ZBBX: variants seen among roughly 807,000 people sequenced by gnomAD.
ZBBX encodes zinc finger B-box domain containing.
A neutral mutation model predicts 108.5 loss-of-function variants in ZBBX; 101 were observed. That is an observed-to-expected ratio of 0.93 (90% CI 0.79 to 1.10). The LOEUF (loss-of-function observed/expected upper bound fraction) is 1.10, where lower values mean the gene tolerates loss of function less well. ZBBX is among the 50% of genes least tolerant of loss of function. ZBBX has a pLI of 0.00. For synonymous variants in ZBBX, 356 were observed against 323.4 expected, an observed-to-expected ratio of 1.10 and a Z score of -1.08; for missense variants, 1,009 against 941.4, an observed-to-expected ratio of 1.07 and a Z score of -0.94.
intron 9 of ZBBX, among the ~76,000 whole-genome samples, chr3:167,339,538 T>C (rs558481226): frequency 2.0e-5 from 3 of 152,090 alleles, no homozygotes; most frequent in Non-Finnish European, 2.9e-5. Context: ...TTGTTAACTG[T>C]TTTTGTTTGG....
At chr3:167,354,598 C>T (rs373239924) in intron 8 of ZBBX, among the ~76,000 whole-genome samples, 4 of 151,558 alleles carry the variant, frequency 2.6e-5, no homozygotes, top group Admixed American at 6.6e-5. Context: ...ATCCTAAATC[C>T]GTAATTTTAA....
chr3:167,256,464 T>C (rs1723532436), intron 20 of ZBBX, among the ~76,000 whole-genome samples: 1 of 148,840 alleles, frequency 6.7e-6, no homozygotes, highest in Non-Finnish European at 1.5e-5. Context: ...AATAATCCAA[T>C]AACATTCTTT....
intron 1 of ZBBX, among the ~76,000 whole-genome samples, chr3:167,390,653 T>C (rs539284120): frequency 6.6e-6 from 1 of 152,264 alleles, no homozygotes; most frequent in South Asian, 2.1e-4. Flanking sequence ...TGTTGTGTCC[T>C]CTCTTATTTC....
chr3:167,274,339 C>A (rs1727089789), intron 20 of ZBBX, among the ~76,000 whole-genome samples: 1 of 152,170 alleles, frequency 6.6e-6, no homozygotes, highest in South Asian at 2.1e-4. Context: ...TCATACCATG[C>A]ATCCGTGGGC....
intron 2 of ZBBX, among the ~76,000 whole-genome samples, chr3:167,375,265 T>C (rs1038160088): frequency 2.1e-4 from 32 of 152,128 alleles, no homozygotes; most frequent in Admixed American, 5.2e-4. Context: ...ATTGAAAACA[T>C]TTTTGGGACG....
intron 4 of ZBBX, chr3:167,368,803 T>A: frequency 9.7e-7 from 1 of 1,028,388 alleles, no homozygotes; most frequent in Non-Finnish European, 1.2e-6. Flanking sequence ...ATTATTACAT[T>A]GCTAGGGGTT....
intron 1 of ZBBX, among the ~76,000 whole-genome samples, chr3:167,389,084 G>GCC (rs1229951729): frequency 2.0e-5 from 3 of 151,684 alleles, no homozygotes; most frequent in African/African-American, 4.8e-5. Context: ...TAGGTTTTAA[G>GCC]CCCCACATGC....
At chr3:167,355,500 T>C (rs1055672238) in intron 8 of ZBBX, among the ~76,000 whole-genome samples, 7 of 151,848 alleles carry the variant, frequency 4.6e-5, no homozygotes, top group East Asian at 3.9e-4. Context: ...CTATCTCCCA[T>C]ACACAATTTT....
chr3:167,353,616 T>A lies in ZBBX; in HGVS notation c.433-3101A>T, dbSNP rs536410434. The stretch of plus-strand genomic sequence containing the variant: ...TTCATCACTACACAATATATCCAGA[T>A]AACACAACTTCACTTGTACCAACTA... On this transcript the variant is annotated intron_variant, in intron 8 of 21. Transcript: ENST00000675490. Among the ~76,000 whole-genome samples, 66 of 152,014 alleles carry A rather than the reference T, an allele frequency of 4.3e-4. No homozygotes were observed. The East Asian group carries it at 0.012, about 28-fold the overall frequency.
intron 20 of ZBBX, among the ~76,000 whole-genome samples, chr3:167,255,184 A>C (rs1723287648): frequency 6.6e-6 from 1 of 152,074 alleles, no homozygotes; most frequent in African/African-American, 2.4e-5. Context: ...TTAATGAAAA[A>C]AGCTGTGATA....
At chr3:167,273,648 G>A (rs915960319) in intron 20 of ZBBX, among the ~76,000 whole-genome samples, 2 of 152,070 alleles carry the variant, frequency 1.3e-5, no homozygotes, top group Non-Finnish European at 2.9e-5. Flanking sequence ...GTATGGTGGT[G>A]TTATGGTGGA....
At chr3:167,322,641 A>G (rs1041342569) in intron 11 of ZBBX, among the ~76,000 whole-genome samples, 5 of 152,122 alleles carry the variant, frequency 3.3e-5, no homozygotes, top group African/African-American at 9.7e-5. Context: ...TAAATAATTC[A>G]TAATGACATC....
intron 6 of ZBBX, among the ~76,000 whole-genome samples, chr3:167,363,035 C>T (rs1213354179): frequency 6.6e-6 from 1 of 151,940 alleles, no homozygotes; most frequent in Non-Finnish European, 1.5e-5. Flanking sequence ...CTTCAGCCAC[C>T]TCACCATTAT....
chr3:167,320,531 G>A (rs1244161325), intron 12 of ZBBX, among the ~76,000 whole-genome samples: 3 of 151,930 alleles, frequency 2.0e-5, no homozygotes, highest in African/African-American at 7.3e-5. Flanking sequence ...ACTGCTGCAG[G>A]CAAAATTCAC....
In ZBBX at chr3:167,373,287, T is replaced by C. The variant is rs181050264; in HGVS notation, c.-49-337A>G. Among the ~76,000 whole-genome samples the C allele has an allele frequency of 2.7e-4, 41 of 152,302 alleles. 1 individual carries two copies. The East Asian group carries it at 7.5e-3, about 28-fold the overall frequency. On this transcript the variant is annotated intron_variant, in intron 3 of 21. Transcript: ENST00000675490. The stretch of plus-strand genomic sequence containing the variant: ...TATGCAAATACTATGCCATTTTATA[T>C]AAGGAACCTGAGCATCCTAGGATTT...
the ZBBX span, among the ~76,000 whole-genome samples, chr3:167,183,547 A>T: frequency 6.6e-6 from 1 of 152,212 alleles, no homozygotes; most frequent in Non-Finnish European, 1.5e-5. Context: ...GCTGAGAGCC[A>T]CAAACAGAGT....
At chr3:167,189,684 T>A in the ZBBX span, among the ~76,000 whole-genome samples, 3 of 152,234 alleles carry the variant, frequency 2.0e-5, no homozygotes, top group Non-Finnish European at 2.9e-5. Context: ...TAGAGGAACA[T>A]ACAGACTTCC....
At chr3:167,358,557 A>T (rs1327985974) in intron 8 of ZBBX, among the ~76,000 whole-genome samples, 2 of 152,166 alleles carry the variant, frequency 1.3e-5, no homozygotes, top group East Asian at 3.8e-4. Context: ...TTAAATGTTC[A>T]TGAAATTGGT....
In ZBBX at chr3:167,350,417, T is replaced by C. The variant is rs778903444; in HGVS notation, c.528+3A>G. 1.9e-6 allele frequency: 3 copies of C among 1,585,748 alleles called. No homozygotes were observed. Among genetic ancestry groups the C allele is most frequent in the Admixed American group, 3.4e-5 (2 of 58,378 alleles). ...ACAAGTAAATCATTTTAGAAAGCCA[T>C]ACCTGCAAAAGAGTTGTTCTGTGGA... On this transcript the variant is annotated splice_donor_region_variant and intron_variant, in intron 9 of 21. Coordinates refer to ENST00000675490, the MANE Select transcript of ZBBX (RefSeq NM_001199201.2).
Sources: gnomAD v4.1 joint callset for allele counts (sites outside exome capture counted in the v4.1 genomes callset) on GRCh38, gnomAD v4.1.1 for gene constraint, MANE v1.5 for transcripts, NCBI Gene and HGNC (gene_info 2026-07-23, HGNC 2026-07-21) for gene names.